Variants in HPS4 observed in about 807,000 individuals in gnomAD.
HPS4 encodes HPS4 biogenesis of lysosomal organelles complex 3 subunit 2, also known as BLOC-3 complex member HPS4.
HPS4 carries 44 observed loss-of-function variants against 70.3 expected under a neutral mutation model. That is an observed-to-expected ratio of 0.63 (90% CI 0.49 to 0.80). The LOEUF (loss-of-function observed/expected upper bound fraction) is 0.80. Among genes scored for constraint, HPS4 ranks in the 30% least tolerant of loss-of-function variants. HPS4 has a pLI of 0.00. For synonymous variants in HPS4, 377 were observed against 355.9 expected, an observed-to-expected ratio of 1.06 and a Z score of -0.67; for missense variants, 873 against 884.4, an observed-to-expected ratio of 0.99 and a Z score of 0.16.
chr22:26,450,790 T>A (rs181623194), downstream of HPS4, among the ~76,000 whole-genome samples: 211 of 152,338 alleles, frequency 1.4e-3, no homozygotes, highest in Middle Eastern at 6.8e-3. Context: ...TGCCACCATG[T>A]GAAGAAGGAT....
chr22:26,458,321 C>G, intron 12 of HPS4, 124 bp downstream of exon 12: 2 of 1,250,554 alleles, frequency 1.6e-6, no homozygotes, highest in Non-Finnish European at 2.3e-6. Flanking sequence ...GAAGAGAGCC[C>G]TGAACGCAGG....
At chr22:26,455,276 T>C (rs2085898213) in intron 13 of HPS4, among the ~76,000 whole-genome samples, 1 of 152,058 alleles carries the variant, frequency 6.6e-6, no homozygotes. Context: ...TAAAGACACA[T>C]GCACACGTAT....
chr22:26,480,555 C>G (rs544409287), intron 2 of HPS4, among the ~76,000 whole-genome samples: 1 of 152,272 alleles, frequency 6.6e-6, no homozygotes, highest in African/African-American at 2.4e-5. Flanking sequence ...GTCATCTGCT[C>G]TCTTCCCTGG....
chr22:26,478,241 AAG>A (rs1175202818), intron 3 of HPS4, among the ~76,000 whole-genome samples: 1 of 152,042 alleles, frequency 6.6e-6, no homozygotes, highest in Non-Finnish European at 1.5e-5. Context: ...GGAAAAAAAA[AAG>A]AGAGAGAAGA....
At chr22:26,481,293 G>A (rs746144774) in intron 2 of HPS4, among the ~76,000 whole-genome samples, 5 of 152,090 alleles carry the variant, frequency 3.3e-5, no homozygotes, top group Non-Finnish European at 5.9e-5. Context: ...AAGGATTAAC[G>A]CATTTAGGGT....
chr22:26,447,590 G>C (rs902970013), downstream of HPS4, among the ~76,000 whole-genome samples: 3 of 152,256 alleles, frequency 2.0e-5, no homozygotes, highest in Admixed American at 6.5e-5. Flanking sequence ...GCTAAGCACA[G>C]AATGAGGTTT....
chr22:26,455,058 C>T (rs1190611142), intron 13 of HPS4, among the ~76,000 whole-genome samples: 6 of 152,170 alleles, frequency 3.9e-5, no homozygotes, highest in Non-Finnish European at 5.9e-5. Context: ...GTTAGAATGG[C>T]GATCATTAAA....
chr22:26,467,093 A>G (rs1457066106), intron 8 of HPS4: 1 of 152,206 alleles, frequency 6.6e-6, no homozygotes, highest in Non-Finnish European at 1.5e-5. Context: ...GCCACACTAT[A>G]TAAAATTTCA....
At chr22:26,473,633 C>G (rs1602041950) in intron 4 of HPS4, among the ~76,000 whole-genome samples, 1 of 152,112 alleles carries the variant, frequency 6.6e-6, no homozygotes. Context: ...GTCCCAGCTA[C>G]TCAGGAGGCT....
chr22:26,472,780 C>T (rs368913928), intron 5 of HPS4, 52 bp downstream of exon 5: 4 of 1,315,478 alleles, frequency 3.0e-6, no homozygotes, highest in South Asian at 2.4e-5. Flanking sequence ...TCTGGCAATA[C>T]CGGTTTTTAT....
intron 13 of HPS4, among the ~76,000 whole-genome samples, chr22:26,455,349 T>C (rs1432886993): frequency 2.0e-5 from 3 of 151,628 alleles, no homozygotes; most frequent in East Asian, 1.9e-4. Flanking sequence ...CCAACAACGA[T>C]AGACTGGATT....
At chr22:26,478,930 C>T (rs927017081) in intron 3 of HPS4, among the ~76,000 whole-genome samples, 1 of 152,134 alleles carries the variant, frequency 6.6e-6, no homozygotes, top group African/African-American at 2.4e-5. Flanking sequence ...GTGATCCATC[C>T]ACCTCAGCCT....
At chr22:26,463,323 G>A (rs540394171) in intron 11 of HPS4, among the ~76,000 whole-genome samples, 1 of 152,326 alleles carries the variant, frequency 6.6e-6, no homozygotes, top group African/African-American at 2.4e-5. Context: ...GGGCTATGGA[G>A]GGAAACACTG....
chr22:26,461,319 A>C (rs1332112680), intron 11 of HPS4, among the ~76,000 whole-genome samples: 1 of 152,228 alleles, frequency 6.6e-6, no homozygotes, highest in African/African-American at 2.4e-5. Flanking sequence ...GTGATAAATA[A>C]TTAATCTGAT....
chr22:26,483,646 C>T, intron 1 of HPS4, 28 bp downstream of exon 1: 1 of 354,512 alleles, frequency 2.8e-6, no homozygotes, highest in Admixed American at 4.9e-5. Flanking sequence ...CCCTCGGTAT[C>T]CCCGCGCTCC....
intron 13 of HPS4, among the ~76,000 whole-genome samples, chr22:26,454,583 A>G (rs1338303939): frequency 6.6e-6 from 1 of 152,260 alleles, no homozygotes; most frequent in Non-Finnish European, 1.5e-5. Context: ...AATTAATTCA[A>G]GATGGATTAA....
At chr22:26,446,871 G>A (rs1322632777), downstream of HPS4, among the ~76,000 whole-genome samples, 1 of 152,190 alleles carries the variant, frequency 6.6e-6, no homozygotes, top group Non-Finnish European at 1.5e-5. Flanking sequence ...GGACTTACAG[G>A]TGCCCGCTTC....
At chr22:26,454,502 G>A (rs2085736011) in intron 13 of HPS4, among the ~76,000 whole-genome samples, 2 of 152,228 alleles carry the variant, frequency 1.3e-5, no homozygotes, top group African/African-American at 4.8e-5. Flanking sequence ...CACATTGTGA[G>A]TGGTTAAGAA....
intron 2 of HPS4, among the ~76,000 whole-genome samples, chr22:26,481,382 G>A (rs1466551768): frequency 1.3e-5 from 2 of 152,142 alleles, no homozygotes. Flanking sequence ...TCCTCATGCT[G>A]TAATTCTCAA....
Sources: gnomAD v4.1 joint callset for allele counts (sites outside exome capture counted in the v4.1 genomes callset) on GRCh38, gnomAD v4.1.1 for gene constraint, MANE v1.5 for transcripts, NCBI Gene and HGNC (gene_info 2026-07-23, HGNC 2026-07-21) for gene names.